OR10X1: variants seen among roughly 807,000 people sequenced by gnomAD.
OR10X1 encodes olfactory receptor family 10 subfamily X member 1.
For synonymous variants in OR10X1, 179 were observed against 142.6 expected, an observed-to-expected ratio of 1.26 and a Z score of -1.82; for missense variants, 449 against 387.0, an observed-to-expected ratio of 1.16 and a Z score of -1.34.
chr1:158,579,189 A>T lies in OR10X1; in HGVS notation c.711T>A (p.Ile237=). The T allele has an allele frequency of 6.2e-7, 1 of 1,613,932 alleles. No homozygotes were observed. Among genetic ancestry groups the T allele is most frequent in the Admixed American group, 1.7e-5 (1 of 59,972 alleles). Residue 237 remains isoleucine, a synonymous_variant, in exon 1 of 1, where the codon ATT becomes ATA. Transcript: ENST00000623167. The stretch of plus-strand genomic sequence containing the variant: ...AAGGGATCCTGAGGACAGTAGAAAT[A>T]ATGAAGACATCAGTCAGGATGATGA... ...LLLIILTDVF[I]ISTVLRIPSA...
At position 158,579,673 on chromosome 1, in the gene OR10X1, T is replaced by G. The variant is rs768373727; in HGVS notation, c.227A>C (p.Tyr76Ser). The G allele has an allele frequency of 6.2e-7, 1 of 1,613,938 alleles. No homozygotes were observed. Among genetic ancestry groups the G allele is most frequent in the East Asian group, 2.2e-5 (1 of 44,854 alleles). Residue 76 changes from tyrosine (Y) to serine (S), a missense_variant, in exon 1 of 1, where the codon TAT (tyrosine) becomes TCT (serine). Physicochemically the swap from Tyr to Ser is moderately radical, Grantham distance 144. Coordinates refer to ENST00000623167, the MANE Select transcript of OR10X1 (RefSeq NM_001004477.1). ...GAAGGAGAGTGCACTAAGGAAGAGATACATAGGGGTGTGGAGGGACCTGTC... is the reference window on the plus strand; with the variant it reads ...GAAGGAGAGTGCACTAAGGAAGAGAGACATAGGGGTGTGGAGGGACCTGTC... ...WVDRSLHTPMYLFLSALSFSE... is the reference protein window; with the variant it reads ...WVDRSLHTPMSLFLSALSFSE...
At position 158,579,700 on chromosome 1, in the gene OR10X1, A is replaced by G; in HGVS notation, c.200T>C (p.Val67Ala). The G allele has an allele frequency of 1.2e-6, 2 of 1,613,996 alleles. No individual in the cohort carries two copies. Among genetic ancestry groups the G allele is most frequent in the Non-Finnish European group, 1.7e-6 (2 of 1,179,930 alleles). The change falls in exon 1 of 1, where the codon GTG becomes GCG. Residue 67 changes from valine to alanine, a missense_variant. Val to Ala is a moderately conservative substitution (Grantham distance 64). Coordinates refer to ENST00000623167, the MANE Select transcript of OR10X1 (RefSeq NM_001004477.1). Reference sequence around the variant, plus strand: ...CATAGGGGTGTGGAGGGACCTGTCCACCCAAGTTAGACCCATGATGATCAG... The same window carrying G: ...CATAGGGGTGTGGAGGGACCTGTCCGCCCAAGTTAGACCCATGATGATCAG... ...GNLIIMGLTW[V>A]DRSLHTPMYL...
In OR10X1 at chr1:158,579,316, CAGA is replaced by C. The variant is rs1268080497; in HGVS notation, c.581_583del (p.Phe194del). 3.7e-6 allele frequency: 6 copies of C among 1,613,766 alleles called. No individual in the cohort carries two copies. The African/African-American group carries it at 4.0e-5, about 11-fold the overall frequency. On this transcript the variant is annotated inframe_deletion, in exon 1 of 1. Coordinates refer to ENST00000623167, the MANE Select transcript of OR10X1 (RefSeq NM_001004477.1). ...CAGCCTAATAACTGCCAGCATATGG[CAGA>C]AGAAGTGTTTGACAAGGTTGGGTCT...
In OR10X1 at chr1:158,579,586, T is replaced by C. The variant is rs1648429281; in HGVS notation, c.314A>G (p.Asp105Gly). 6.2e-7 allele frequency: 1 copy of C among 1,614,116 alleles called. No homozygotes were observed. Among genetic ancestry groups the C allele is most frequent in the Non-Finnish European group, 8.5e-7 (1 of 1,179,980 alleles). The change falls in exon 1 of 1, where the codon GAC (aspartate) becomes GGC (glycine). Residue 105 changes from aspartate to glycine, a missense_variant. Asp to Gly is a moderately conservative substitution (Grantham distance 94). Coordinates refer to ENST00000623167, the MANE Select transcript of OR10X1 (RefSeq NM_001004477.1). ...PKMLEDLLAK[D>G]RSISVTGCSL... ...ACAACCTGTGACTGAAATGCTTCTG[T>C]CCTTGGCCAGTAGATCTTCCAGCAT... is the stretch of plus-strand genomic sequence containing the variant.
Position 158,579,747 on chromosome 1 carries a change from G to T in OR10X1, c.153C>A (p.Tyr51Ter). The change falls in exon 1 of 1, where the codon TAC becomes TAA. Residue 51 changes from tyrosine to a stop codon, truncating the protein, a stop_gained. Coordinates refer to ENST00000623167, the MANE Select transcript of OR10X1 (RefSeq NM_001004477.1). LOFTEE classifies it low-confidence loss of function (END_TRUNC). ...TCAGATTACCTGCAAGGGTGAGAAG[G>T]TAGAGACAAAAGAAGACCACAAAAA... ...TFLFVVFFCLYLLTLAGNLII... is the reference protein window; with the variant it reads ...TFLFVVFFCL 6.2e-7 allele frequency: 1 copy of T among 1,614,082 alleles called. No homozygotes were observed. Among genetic ancestry groups the T allele is most frequent in the Non-Finnish European group, 8.5e-7 (1 of 1,179,992 alleles).
rs1648422615 is a variant in OR10X1, at chr1:158,579,427, C to T, written c.473G>A (p.Gly158Glu). The change falls in exon 1 of 1, where the codon GGA (glycine) becomes GAA (glutamate). Residue 158 changes from glycine to glutamate, a missense_variant. Gly to Glu is a moderately conservative substitution (Grantham distance 98). Coordinates refer to ENST00000623167, the MANE Select transcript of OR10X1 (RefSeq NM_001004477.1). ...AGTGCAAGCAGAGGCCACAAGTTGT[C>T]CACATACAATGTTGGTCATAAGCAG... ...YPLLMTNIVC[G>E]QLVASACTAG... The T allele has an allele frequency of 6.2e-7, 1 of 1,613,838 alleles. No individual in the cohort carries two copies.
chr1:158,579,812 G>C lies in OR10X1; in HGVS notation c.88C>G (p.Leu30Val), dbSNP rs1444804336. Residue 30 changes from leucine to valine, a missense_variant, in exon 1 of 1, where the codon CTT becomes GTT. Leu to Val is a conservative substitution (Grantham distance 32). Coordinates refer to ENST00000623167, the MANE Select transcript of OR10X1 (RefSeq NM_001004477.1). ...TGTGGGTACACAGAAAAGCCAACAA[G>C]AATGAATTCCTTCAGGATTGTCTGG... ...INQTILKEFI[L>V]VGFSVYPHVQ... The C allele has an allele frequency of 6.2e-7, 1 of 1,613,808 alleles. No individual in the cohort carries two copies. Among genetic ancestry groups the C allele is most frequent in the Admixed American group, 1.7e-5 (1 of 59,982 alleles).
chr1:158,579,819 T>A lies in OR10X1; in HGVS notation c.81A>T (p.Glu27Asp). The A allele has an allele frequency of 6.2e-7, 1 of 1,613,744 alleles. No individual in the cohort carries two copies. The highest frequency in any genetic ancestry group is 8.5e-7 in the Non-Finnish European group (1 of 1,179,826). The change falls in exon 1 of 1, where the codon GAA (glutamate) becomes GAT (aspartate). Residue 27 changes from glutamate to aspartate, a missense_variant. Glu to Asp is a conservative substitution (Grantham distance 45). Transcript: ENST00000623167. ...TMKINQTILK[E>D]FILVGFSVYP... ...ACACAGAAAAGCCAACAAGAATGAA[T>A]TCCTTCAGGATTGTCTGGTTGATCT...
In OR10X1 at chr1:158,579,777, T is replaced by C; in HGVS notation, c.123A>G (p.Thr41=). 6.2e-7 allele frequency: 1 copy of C among 1,614,072 alleles called. No individual in the cohort carries two copies. The highest frequency in any genetic ancestry group is 8.5e-7 in the Non-Finnish European group (1 of 1,179,974). ...GACAAAAGAAGACCACAAAAAGAAA[T>C]GTCTGTACATGTGGGTACACAGAAA... is the stretch of plus-strand genomic sequence containing the variant. ...VGFSVYPHVQ[T]FLFVVFFCLY... The change falls in exon 1 of 1, where the codon ACA becomes ACG. Residue 41 remains threonine (T), a synonymous_variant. Transcript: ENST00000623167.
Position 158,579,332 on chromosome 1 carries a change from C to CAGA in OR10X1, c.567_568insTCT (p.Leu189_Val190insSer), listed in dbSNP as rs1557904566. ...AGCATATGGCAGAAGAAGTGTTTGA[C>CAGA]AAGGTTGGGTCTGCAGAAAGAGTCC... On this transcript the variant is annotated inframe_insertion, in exon 1 of 1. Coordinates refer to ENST00000623167, the MANE Select transcript of OR10X1 (RefSeq NM_001004477.1). The CAGA allele has an allele frequency of 6.2e-7, 1 of 1,613,910 alleles. No individual in the cohort carries two copies. Among genetic ancestry groups the CAGA allele is most frequent in the South Asian group, 1.1e-5 (1 of 91,072 alleles).
At position 158,579,210 on chromosome 1, in the gene OR10X1, G is replaced by A; in HGVS notation, c.690C>T (p.Ile230=). Residue 230 remains isoleucine (I), a synonymous_variant, in exon 1 of 1, where the codon ATC becomes ATT. Coordinates refer to ENST00000623167, the MANE Select transcript of OR10X1 (RefSeq NM_001004477.1). ...AAATAATGAAGACATCAGTCAGGAT[G>A]ATGAGCAGAAGGGTACCCAGCAAAC... is the stretch of plus-strand genomic sequence containing the variant. ...VSGLLGTLLL[I]ILTDVFIIST... is the part of the protein sequence containing the mutation. 6.2e-7 allele frequency: 1 copy of A among 1,613,966 alleles called. No homozygotes were observed. Among genetic ancestry groups the A allele is most frequent in the Non-Finnish European group, 8.5e-7 (1 of 1,179,974 alleles).
chr1:158,579,294 C>T lies in OR10X1; in HGVS notation c.606G>A (p.Arg202=). 1.9e-6 allele frequency: 3 copies of T among 1,613,906 alleles called. No homozygotes were observed. Among genetic ancestry groups the T allele is most frequent in the Non-Finnish European group, 2.5e-6 (3 of 1,179,960 alleles). The change falls in exon 1 of 1, where the codon AGG becomes AGA. Residue 202 remains arginine (R), a synonymous_variant. Coordinates refer to ENST00000623167, the MANE Select transcript of OR10X1 (RefSeq NM_001004477.1). ...HFFCHMLAVI[R]LSCIDSNHTE... ...TGTGGTTACTGTCTATACAAGACAG[C>T]CTAATAACTGCCAGCATATGGCAGA... is the stretch of plus-strand genomic sequence containing the variant.
rs376239592 is a variant in OR10X1 at position 158,579,158 on chromosome 1, C to T, written c.742G>A (p.Glu248Lys). The change falls in exon 1 of 1, where the codon GAG becomes AAG. Residue 248 changes from glutamate to lysine, a missense_variant. Physicochemically the swap from Glu to Lys is moderately conservative, Grantham distance 56 (BLOSUM62 1). Coordinates refer to ENST00000623167, the MANE Select transcript of OR10X1 (RefSeq NM_001004477.1). ...GTGGTGAAGGCCTTCTGCTTGCCCT[C>T]AGCTGAAGGGATCCTGAGGACAGTA... The part of the protein sequence containing the change: ...ISTVLRIPSA[E>K]GKQKAFTTCA... The T allele has an allele frequency of 3.1e-6, 5 of 1,613,930 alleles. No individual in the cohort carries two copies. The highest frequency in any genetic ancestry group is 4.2e-6 in the Non-Finnish European group (5 of 1,179,972).
chr1:158,579,770 A>G lies in OR10X1; in HGVS notation c.130T>C (p.Phe44Leu). ...AGGTAGAGACAAAAGAAGACCACAA[A>G]AAGAAATGTCTGTACATGTGGGTAC... ...SVYPHVQTFL[F>L]VVFFCLYLLT... is the part of the protein sequence containing the mutation. The change falls in exon 1 of 1, where the codon TTT becomes CTT. Residue 44 changes from phenylalanine (F) to leucine (L), a missense_variant. Phe to Leu is a conservative substitution (Grantham distance 22, BLOSUM62 0). Transcript: ENST00000623167. 6.2e-7 allele frequency: 1 copy of G among 1,614,144 alleles called. No individual in the cohort carries two copies. Among genetic ancestry groups the G allele is most frequent in the Non-Finnish European group, 8.5e-7 (1 of 1,180,002 alleles).
chr1:158,579,801 A>G lies in OR10X1; in HGVS notation c.99T>C (p.Phe33=). 1 of 1,614,064 alleles carries G rather than the reference A, an allele frequency of 6.2e-7. No homozygotes were observed. ...ATGTCTGTACATGTGGGTACACAGA[A>G]AAGCCAACAAGAATGAATTCCTTCA... The part of the protein sequence containing the change: ...TILKEFILVG[F]SVYPHVQTFL... The change falls in exon 1 of 1, where the codon TTT becomes TTC. Residue 33 remains phenylalanine (F), a synonymous_variant. Coordinates refer to ENST00000623167, the MANE Select transcript of OR10X1 (RefSeq NM_001004477.1).
chr1:158,579,102 G>T lies in OR10X1; in HGVS notation c.798C>A (p.Ile266=). The change falls in exon 1 of 1, where the codon ATC becomes ATA. Residue 266 remains isoleucine, a synonymous_variant. Coordinates refer to ENST00000623167, the MANE Select transcript of OR10X1 (RefSeq NM_001004477.1). ...TCASHLTVVI[I]HFGFASIVYL... ...AAACAATAGATGCAAAACCAAAGTG[G>T]ATTATAACCACGGTGAGGTGGGAGG... 1 of 1,614,004 alleles carries T rather than the reference G, an allele frequency of 6.2e-7. No homozygotes were observed. Among genetic ancestry groups the T allele is most frequent in the East Asian group, 2.2e-5 (1 of 44,858 alleles).
chr1:158,579,512 T>A lies in OR10X1; in HGVS notation c.388A>T (p.Ile130Phe). Reference sequence around the variant, plus strand: ...CGGTCATATCCCATCAAAGTGAGAATGATACAGTTTGTGCCACCAAGTCCC... The same window carrying A: ...CGGTCATATCCCATCAAAGTGAGAAAGATACAGTTTGTGCCACCAAGTCCC... ...FLGLGGTNCI[I>F]LTLMGYDRFL... The change falls in exon 1 of 1, where the codon ATT (isoleucine) becomes TTT (phenylalanine). Residue 130 changes from isoleucine to phenylalanine, a missense_variant. Physicochemically the swap from Ile to Phe is conservative, Grantham distance 21. Coordinates refer to ENST00000623167, the MANE Select transcript of OR10X1 (RefSeq NM_001004477.1). 1 of 1,614,060 alleles carries A rather than the reference T, an allele frequency of 6.2e-7. No homozygotes were observed. Among genetic ancestry groups the A allele is most frequent in the South Asian group, 1.1e-5 (1 of 91,066 alleles).
In OR10X1 at chr1:158,578,986, A is replaced by G. The variant is rs758063971; in HGVS notation, c.914T>C (p.Leu305Pro). Residue 305 changes from leucine (L) to proline (P), a missense_variant, in exon 1 of 1, where the codon CTG becomes CCG. By Grantham distance (98) the Leu-to-Pro change is moderately conservative. Coordinates refer to ENST00000623167, the MANE Select transcript of OR10X1 (RefSeq NM_001004477.1). Reference sequence around the variant, plus strand: ...AGCATTTTTCATGTCCTTATTCCTCAGGCTGAATATGATGGGGCTGAGGAA... The same window carrying G: ...AGCATTTTTCATGTCCTTATTCCTCGGGCTGAATATGATGGGGCTGAGGAA... ...TPFLSPIIFS[L>P]RNKDMKNAFR... 18 of 1,612,096 alleles carry G rather than the reference A, an allele frequency of 1.1e-5. No individual in the cohort carries two copies. The highest frequency in any genetic ancestry group is 1.4e-5 in the Non-Finnish European group (17 of 1,179,396).
rs775677464 is a variant in OR10X1 at position 158,579,809 on chromosome 1, C to T, written c.91G>A (p.Val31Ile). The change falls in exon 1 of 1, where the codon GTT becomes ATT. Residue 31 changes from valine to isoleucine, a missense_variant. Coordinates refer to ENST00000623167, the MANE Select transcript of OR10X1 (RefSeq NM_001004477.1). ...ACATGTGGGTACACAGAAAAGCCAA[C>T]AAGAATGAATTCCTTCAGGATTGTC... ...NQTILKEFILVGFSVYPHVQT... is the reference protein window; with the variant it reads ...NQTILKEFILIGFSVYPHVQT... The T allele has an allele frequency of 1.2e-6, 2 of 1,613,858 alleles. No homozygotes were observed. The highest frequency in any genetic ancestry group is 1.7e-6 in the Non-Finnish European group (2 of 1,179,898).
Sources: gnomAD v4.1 joint callset for allele counts on GRCh38, gnomAD v4.1.1 for gene constraint, MANE v1.5 for transcripts, NCBI Gene and HGNC (gene_info 2026-07-23, HGNC 2026-07-21) for gene names.